Variants in CBFA2T3 observed in about 807,000 individuals in gnomAD.
CBFA2T3 encodes CBFA2/RUNX1 partner transcriptional co-repressor 3, also known as transcriptional corepressor CBFA2T3.
CBFA2T3 carries 31 observed loss-of-function variants against 58.6 expected under a neutral mutation model. The observed-to-expected ratio is 0.53, with a 90% CI of 0.40 to 0.71. The LOEUF is 0.71. Ranked by LOEUF, CBFA2T3 falls within the 30% of genes least tolerant of loss-of-function variation. CBFA2T3 has a pLI of 0.00. For missense variants in CBFA2T3, 1,076 were observed against 963.1 expected (o/e 1.12, Z -1.55); for synonymous variants, 531 against 421.9 (o/e 1.26, Z -3.17).
At chr16:88,902,639 T>G (rs185782984) in intron 1 of CBFA2T3, 1 of 152,084 alleles carries the variant, frequency 6.6e-6, no homozygotes, top group Non-Finnish European at 1.5e-5. Context: ...GCCAGCACCC[T>G]GTCTGCGGCA....
At position 88,885,285 on chromosome 16, in the gene CBFA2T3, G is replaced by A. The variant is rs1301078024; in HGVS notation, c.894-16C>T. 8.6e-6 allele frequency: 13 copies of A among 1,508,982 alleles called. No homozygotes were observed. The highest frequency in any genetic ancestry group is 2.0e-5 in the Admixed American group (1 of 49,146). The allele number at this position is 1,508,982 out of a possible 1,614,324, so 93.5% of individuals were successfully genotyped here. ...CTCTTTGGTCCTAGCCCCAAGAGCAGGTGGGGCGAGGGCAGTGGACATAGG... is the reference window on the plus strand; with the variant it reads ...CTCTTTGGTCCTAGCCCCAAGAGCAAGTGGGGCGAGGGCAGTGGACATAGG... On this transcript the variant is annotated splice_polypyrimidine_tract_variant and intron_variant, in intron 6 of 11. Coordinates refer to ENST00000268679, the MANE Select transcript of CBFA2T3 (RefSeq NM_005187.6). This position sits in a 1 kb window ranked among gnomAD's most constrained non-coding sequence, Gnocchi z 5.3.
At chr16:88,909,554 C>T (rs985436896) in intron 1 of CBFA2T3, among the ~76,000 whole-genome samples, 1 of 71,838 alleles carries the variant, frequency 1.4e-5, no homozygotes, top group Non-Finnish European at 3.2e-5. Flanking sequence ...ACAGAAGACG[C>T]CACTGCAACC....
rs997460872 is a variant in CBFA2T3 at position 88,970,164 on chromosome 16, G to A, written c.151+6493C>T. On this transcript the variant is annotated intron_variant, in intron 1 of 11. Coordinates refer to ENST00000268679, the MANE Select transcript of CBFA2T3 (RefSeq NM_005187.6). ...GGCTGCTCTGCAGCTGTCCTGGGCC[G>A]AGAGAGGATTTCACTCCAGGAGGCG... Among the ~76,000 whole-genome samples the A allele has an allele frequency of 3.3e-5, 5 of 151,892 alleles. 1 individual carries two copies. The highest frequency in any genetic ancestry group is 2.0e-4 in the Admixed American group (3 of 15,260).
In CBFA2T3 at chr16:88,876,625, C is replaced by G. The variant is rs1251233634; in HGVS notation, c.*351G>C. ...GATAGAGAAGACAGAGGGGGAGAGA[C>G]AGACAGAGAGGAAAAGAGAGGTGGG... On this transcript the variant is annotated 3_prime_UTR_variant, in exon 12 of 12. Coordinates refer to ENST00000268679, the MANE Select transcript of CBFA2T3 (RefSeq NM_005187.6). 2.3e-5 allele frequency: 7 copies of G among 301,840 alleles called. No homozygotes were observed. Among genetic ancestry groups the G allele is most frequent in the African/African-American group, 4.2e-5 (2 of 47,186 alleles). The allele number at this position is 301,840 out of a possible 1,614,324, so 18.7% of individuals were successfully genotyped here. A position where few individuals can be genotyped will look rare whatever the true frequency, so the allele number is the denominator to read the frequency against.
intron 1 of CBFA2T3, among the ~76,000 whole-genome samples, chr16:88,960,372 A>G (rs1162870087): frequency 1.3e-5 from 2 of 152,238 alleles, no homozygotes; most frequent in Admixed American, 6.5e-5. Context: ...CTGTTTGAAG[A>G]TAGCAGAGAA....
chr16:88,930,231 T>C (rs1342984686), intron 1 of CBFA2T3, among the ~76,000 whole-genome samples: 1 of 149,454 alleles, frequency 6.7e-6, no homozygotes, highest in African/African-American at 2.6e-5. Flanking sequence ...TACCCACAGC[T>C]GCATCGTCCA....
At chr16:88,893,726 G>A (rs1043941476) in intron 3 of CBFA2T3, among the ~76,000 whole-genome samples, 7 of 152,336 alleles carry the variant, frequency 4.6e-5, no homozygotes, top group East Asian at 3.9e-4. Flanking sequence ...GTGTTCCAGG[G>A]GCCTGGCAGA....
chr16:88,886,363 C>G (rs1457975049), intron 5 of CBFA2T3: 1 of 410,364 alleles, frequency 2.4e-6, no homozygotes, highest in East Asian at 3.6e-5. Flanking sequence ...AGTGCCTCAC[C>G]TGGGCCACAC....
At chr16:88,887,835 T>C (rs1969443071) in intron 5 of CBFA2T3, among the ~76,000 whole-genome samples, 1 of 152,126 alleles carries the variant, frequency 6.6e-6, no homozygotes, top group African/African-American at 2.4e-5. Flanking sequence ...GAAGCTGCCC[T>C]CTGCACAGAT....
rs182096499 is a variant in CBFA2T3, at chr16:88,899,343, C to T, written c.305-1191G>A. On this transcript the variant is annotated intron_variant, in intron 2 of 11. Transcript: ENST00000268679. Reference sequence around the variant, plus strand: ...GAATTGTGTGGATTAGGGGATAAATCTGAGGCTACCTCAGGGGTGGCCAGA... The same window carrying T: ...GAATTGTGTGGATTAGGGGATAAATTTGAGGCTACCTCAGGGGTGGCCAGA... 3.8e-3 allele frequency among the ~76,000 whole-genome samples: 579 copies of T among 152,290 alleles called. 1 individual carries two copies. Among genetic ancestry groups the T allele is most frequent in the African/African-American group, 0.013 (552 of 41,558 alleles).
intron 1 of CBFA2T3, among the ~76,000 whole-genome samples, chr16:88,973,409 C>T (rs774635406): frequency 5.9e-5 from 9 of 152,190 alleles, no homozygotes; most frequent in Admixed American, 2.6e-4. Context: ...GGCCATCTGA[C>T]GCCTTAGTTT....
intron 7 of CBFA2T3, 54 bp from the exon 8 acceptor site, chr16:88,882,815 T>C: frequency 2.4e-6 from 3 of 1,237,388 alleles, no homozygotes; most frequent in Non-Finnish European, 3.5e-6. Flanking sequence ...GTCTCTGCCC[T>C]ATTCTCCCAG....
intron 5 of CBFA2T3, among the ~76,000 whole-genome samples, chr16:88,888,624 GCTCCCT>G: frequency 8.1e-6 from 1 of 123,434 alleles, no homozygotes; most frequent in South Asian, 2.7e-4. Context: ...GGTGGGGGCT[GCTCCCT>G]GGGTGGGACA....
intron 1 of CBFA2T3, among the ~76,000 whole-genome samples, chr16:88,966,221 C>A (rs1323463110): frequency 6.6e-6 from 1 of 152,226 alleles, no homozygotes; most frequent in South Asian, 2.1e-4. Context: ...CACAGCACGG[C>A]TTCCTGAAAC....
At chr16:88,895,616 CG>C (rs554456414) in intron 3 of CBFA2T3, among the ~76,000 whole-genome samples, 1 of 152,076 alleles carries the variant, frequency 6.6e-6, no homozygotes, top group South Asian at 2.1e-4. Flanking sequence ...CTTGGTGGAG[CG>C]GGGGGAACAG....
chr16:88,970,968 C>T (rs1174074657), intron 1 of CBFA2T3, among the ~76,000 whole-genome samples: 1 of 152,072 alleles, frequency 6.6e-6, no homozygotes, highest in Non-Finnish European at 1.5e-5. Context: ...GGGCATAGCA[C>T]AGGCACGGGC....
chr16:88,896,240 T>G (rs2037618953), intron 3 of CBFA2T3, among the ~76,000 whole-genome samples: 1 of 152,240 alleles, frequency 6.6e-6, no homozygotes, highest in South Asian at 2.1e-4. Context: ...GCTGCAGGAT[T>G]GAGACATCTC....
intron 1 of CBFA2T3, among the ~76,000 whole-genome samples, chr16:88,905,837 A>G: frequency 6.6e-6 from 1 of 151,110 alleles, no homozygotes; most frequent in Non-Finnish European, 1.5e-5. Context: ...GCTGCAGGAC[A>G]GGTGCTTTCT....
chr16:88,907,733 G>A (rs1231411381), intron 1 of CBFA2T3, among the ~76,000 whole-genome samples: 3 of 152,222 alleles, frequency 2.0e-5, no homozygotes, highest in African/African-American at 4.8e-5. Flanking sequence ...CCTCTGCCAA[G>A]TGTCCTTCTC....
Sources: allele counts gnomAD v4.1 joint callset (sites outside exome capture counted in the v4.1 genomes callset), GRCh38; gene constraint gnomAD v4.1.1; non-coding constraint Gnocchi (gnomAD v3.1); transcripts MANE v1.5; gene names NCBI Gene and HGNC (gene_info 2026-07-23, HGNC 2026-07-21).